EPHA6: variants seen among roughly 807,000 people sequenced by gnomAD.
EPHA6 encodes the protein EPH receptor A6, also known as ephrin type-A receptor 6.
In EPHA6, 50 loss-of-function variants were observed where a neutral mutation model predicts 112.0. The observed-to-expected ratio is 0.45, with a 90% CI of 0.36 to 0.56. The LOEUF (loss-of-function observed/expected upper bound fraction) is 0.56, where lower values mean the gene tolerates loss of function less well. Among genes scored for constraint, EPHA6 ranks in the 20% least tolerant of loss-of-function variants. The pLI, the probability that EPHA6 is intolerant of heterozygous loss-of-function variation, is 0.00. For synonymous variants in EPHA6, 529 were observed against 490.7 expected, an observed-to-expected ratio of 1.08 and a Z score of -1.03; for missense variants, 1,280 against 1,417.4, an observed-to-expected ratio of 0.90 and a Z score of 1.56.
chr3:96,818,897 A>AT (rs2033026331), intron 1 of EPHA6, among the ~76,000 whole-genome samples: 1 of 151,882 alleles, frequency 6.6e-6, no homozygotes, highest in Admixed American at 6.6e-5. Flanking sequence ...CTTGTTAGAC[A>AT]TAAGTATAAA....
Position 97,200,602 on chromosome 3 carries a change from G to A in EPHA6, c.1115-25662G>A, listed in dbSNP as rs559275546. Among the ~76,000 whole-genome samples, 55 of 152,108 alleles carry A rather than the reference G, an allele frequency of 3.6e-4. 1 individual carries two copies. Among genetic ancestry groups the A allele is most frequent in the Middle Eastern group, 3.4e-3 (1 of 294 alleles). On this transcript the variant is annotated intron_variant, in intron 3 of 17. Coordinates refer to ENST00000389672, the MANE Select transcript of EPHA6 (RefSeq NM_001080448.3). ...CAGACTCAGCATTTTTACCTGTACC[G>A]CTTAGTTACACCGTGATTGACAGCC... is the stretch of plus-strand genomic sequence containing the variant.
At chr3:96,922,982 A>G (rs2039850604) in intron 2 of EPHA6, among the ~76,000 whole-genome samples, 1 of 152,068 alleles carries the variant, frequency 6.6e-6, no homozygotes, top group South Asian at 2.1e-4. Flanking sequence ...ATTCTTTTTT[A>G]TGGCTGCATA....
At chr3:97,534,359 C>A (rs2092732614) in intron 11 of EPHA6, among the ~76,000 whole-genome samples, 2 of 151,926 alleles carry the variant, frequency 1.3e-5, no homozygotes, top group Non-Finnish European at 2.9e-5. Flanking sequence ...AAACGAAGGC[C>A]CAGGCAGGTT....
In EPHA6 at chr3:96,920,292, T is replaced by C. The variant is rs567334693; in HGVS notation, c.450+53403T>C. On this transcript the variant is annotated intron_variant, in intron 2 of 17. Transcript: ENST00000389672. ...AATTGATAGAAAAAGGGACTATTTATGGAAAAAGAAAAGGTACAGCAGATT... is the reference window on the plus strand; with the variant it reads ...AATTGATAGAAAAAGGGACTATTTACGGAAAAAGAAAAGGTACAGCAGATT... 9.9e-5 allele frequency among the ~76,000 whole-genome samples: 15 copies of C among 152,012 alleles called. No homozygotes were observed. In the South Asian group the frequency reaches 2.9e-3, roughly 29 times the overall value.
intron 14 of EPHA6, among the ~76,000 whole-genome samples, chr3:97,665,915 G>T (rs1348683624): frequency 2.0e-5 from 3 of 152,146 alleles, no homozygotes; most frequent in African/African-American, 7.2e-5. Flanking sequence ...AAATTAGCCA[G>T]GTGTGAGAGT....
intron 11 of EPHA6, among the ~76,000 whole-genome samples, chr3:97,535,660 C>A (rs1185708843): frequency 1.3e-5 from 2 of 151,964 alleles, no homozygotes; most frequent in Admixed American, 1.3e-4. Flanking sequence ...TTAATGCTCC[C>A]AAAGGACTAC....
chr3:97,312,445 A>T (rs761173083), intron 5 of EPHA6, among the ~76,000 whole-genome samples: 3 of 151,578 alleles, frequency 2.0e-5, no homozygotes, highest in Non-Finnish European at 3.0e-5. Context: ...AAACTGTTTG[A>T]GTTCCAACAT....
At chr3:97,615,504 G>C (rs949858210) in intron 13 of EPHA6, among the ~76,000 whole-genome samples, 1 of 152,110 alleles carries the variant, frequency 6.6e-6, no homozygotes, top group Admixed American at 6.6e-5. Context: ...AGTAGCCTAC[G>C]GGATAAGACC....
chr3:97,741,585 G>A (rs1041697219), intron 16 of EPHA6, among the ~76,000 whole-genome samples: 16 of 151,836 alleles, frequency 1.1e-4, no homozygotes, highest in Admixed American at 7.2e-4. Flanking sequence ...CCTTAGACAC[G>A]GAAACAGAGA....
intron 5 of EPHA6, among the ~76,000 whole-genome samples, chr3:97,252,476 A>T (rs1398902799): frequency 6.6e-6 from 1 of 152,166 alleles, no homozygotes; most frequent in African/African-American, 2.4e-5. Flanking sequence ...CAGGGTTAGC[A>T]TATCCAACCT....
At chr3:97,699,688 G>A (rs750962775) in intron 14 of EPHA6, among the ~76,000 whole-genome samples, 1 of 152,194 alleles carries the variant, frequency 6.6e-6, no homozygotes, top group South Asian at 2.1e-4. Flanking sequence ...ACTTAAAACT[G>A]AGCAAGAATA....
At chr3:97,459,445 T>C (rs956012245) in intron 7 of EPHA6, among the ~76,000 whole-genome samples, 1 of 152,166 alleles carries the variant, frequency 6.6e-6, no homozygotes, top group Non-Finnish European at 1.5e-5. Flanking sequence ...AGCACAACAC[T>C]GGCAGCAAGG....
intron 7 of EPHA6, among the ~76,000 whole-genome samples, chr3:97,468,067 A>G (rs951403813): frequency 1.3e-5 from 2 of 151,208 alleles, no homozygotes; most frequent in Admixed American, 1.3e-4. Flanking sequence ...CCACAGTTTG[A>G]TATACTGAAT....
chr3:96,926,560 A>G (rs2040045094), intron 2 of EPHA6, among the ~76,000 whole-genome samples: 1 of 152,220 alleles, frequency 6.6e-6, no homozygotes, highest in Non-Finnish European at 1.5e-5. Flanking sequence ...GTAAAATAAC[A>G]GTTACTTTCA....
chr3:97,580,580 A>C (rs2093428161), intron 11 of EPHA6, among the ~76,000 whole-genome samples: 1 of 152,178 alleles, frequency 6.6e-6, no homozygotes, highest in African/African-American at 2.4e-5. Flanking sequence ...GGATAGCCTG[A>C]TGATAAACAG....
At chr3:97,143,814 T>G (rs1435214406) in intron 3 of EPHA6, among the ~76,000 whole-genome samples, 2 of 151,712 alleles carry the variant, frequency 1.3e-5, no homozygotes, top group Non-Finnish European at 3.0e-5. Flanking sequence ...TTTTAAGAGA[T>G]AATGGTCTTT....
intron 15 of EPHA6, among the ~76,000 whole-genome samples, chr3:97,723,855 G>A (rs1213918026): frequency 6.6e-6 from 1 of 152,186 alleles, no homozygotes; most frequent in Non-Finnish European, 1.5e-5. Context: ...TTGGAAGTCA[G>A]CATAACTGTG....
At chr3:97,389,218 T>G (rs551582774) in intron 5 of EPHA6, among the ~76,000 whole-genome samples, 6 of 152,284 alleles carry the variant, frequency 3.9e-5, no homozygotes, top group Admixed American at 1.3e-4. Context: ...AATTCTAAAA[T>G]TATTAAAGAC....
At chr3:97,417,494 G>C (rs1246529850) in intron 6 of EPHA6, among the ~76,000 whole-genome samples, 1 of 152,016 alleles carries the variant, frequency 6.6e-6, no homozygotes, top group African/African-American at 2.4e-5. Context: ...TGCCAGAGTA[G>C]GCATTTTGCA....
Sources: allele counts gnomAD v4.1 joint callset (sites outside exome capture counted in the v4.1 genomes callset), GRCh38; gene constraint gnomAD v4.1.1; transcripts MANE v1.5; gene names NCBI Gene and HGNC (gene_info 2026-07-23, HGNC 2026-07-21).